Variants in EPB42 observed in about 807,000 individuals in gnomAD.
EPB42 encodes erythrocyte membrane protein band 4.2.
In EPB42, 49 loss-of-function variants were observed where a neutral mutation model predicts 76.9. That is an observed-to-expected ratio of 0.64 (90% CI 0.51 to 0.81). The LOEUF (loss-of-function observed/expected upper bound fraction) is 0.81, where lower values mean the gene tolerates loss of function less well. EPB42 is among the 30% of genes least tolerant of loss of function. The probability of loss-of-function intolerance (pLI) is 0.00; values close to 1 mark genes in which losing one functional copy is unlikely to be tolerated. For synonymous variants in EPB42, 310 were observed against 338.4 expected, an observed-to-expected ratio of 0.92 and a Z score of 0.92; for missense variants, 731 against 867.6, an observed-to-expected ratio of 0.84 and a Z score of 1.98.
intron 1 of EPB42, among the ~76,000 whole-genome samples, chr15:43,217,516 C>T (rs1390198734): frequency 1.3e-5 from 2 of 148,880 alleles, no homozygotes; most frequent in South Asian, 2.2e-4. Context: ...GTTCAGCAAG[C>T]GCAAGATAAG....
At chr15:43,210,011 C>T (rs989898570) in intron 5 of EPB42, among the ~76,000 whole-genome samples, 6 of 152,156 alleles carry the variant, frequency 3.9e-5, no homozygotes, top group African/African-American at 1.4e-4. Flanking sequence ...AGCAGCAAGC[C>T]CTGGGTAAGA....
At chr15:43,200,159 C>A (rs1050892153) in intron 12 of EPB42, among the ~76,000 whole-genome samples, 2 of 152,194 alleles carry the variant, frequency 1.3e-5, no homozygotes, top group Non-Finnish European at 1.5e-5. Flanking sequence ...TGCCTATAAA[C>A]CTTCTTTTGG....
Position 43,211,407 on chromosome 15 carries a change from C to G in EPB42, c.549+9G>C. The G allele has an allele frequency of 1.3e-6, 2 of 1,556,282 alleles. No homozygotes were observed. Among genetic ancestry groups the G allele is most frequent in the Non-Finnish European group, 1.8e-6 (2 of 1,127,324 alleles). ...CTCTACACACTCCTCCCCTAGAGGG[C>G]CCTGGTACCTGGCCAAAGTCCCAGG... is the stretch of plus-strand genomic sequence containing the variant. On this transcript the variant is annotated intron_variant, in intron 4 of 12. Coordinates refer to ENST00000441366, the MANE Select transcript of EPB42 (RefSeq NM_001114134.2).
chr15:43,210,429 TC>T lies in EPB42; in HGVS notation c.559del (p.Asp187MetfsTer10), dbSNP rs764887771. The T allele has an allele frequency of 2.4e-5, 38 of 1,613,186 alleles. No individual in the cohort carries two copies. The highest frequency in any genetic ancestry group is 3.2e-5 in the Non-Finnish European group (38 of 1,179,742). On this transcript the variant is annotated frameshift_variant, in exon 5 of 13. Transcript: ENST00000441366. LOFTEE classifies it high-confidence loss of function. The part of the protein sequence containing the change: ...ESWDFGQFEG[D>X]VIDLSLRLLS... ...CAAGCGCAGGCTGAGGTCAATGACA[TC>T]CCCCTCGAACTGTTAAGGATCACAC...
chr15:43,206,746 A>C lies in EPB42; in HGVS notation c.1319-117T>G. 1 of 1,284,490 alleles carries C rather than the reference A, an allele frequency of 7.8e-7. No individual in the cohort carries two copies. The highest frequency in any genetic ancestry group is 1.1e-6 in the Non-Finnish European group (1 of 912,864). 79.6% of individuals were successfully genotyped at this position (1,284,490 alleles called of 1,614,324 possible). A position where few individuals can be genotyped will look rare whatever the true frequency, so the allele number is the denominator to read the frequency against. On this transcript the variant is annotated intron_variant, in intron 9 of 12. Coordinates refer to ENST00000441366, the MANE Select transcript of EPB42 (RefSeq NM_001114134.2). This position sits in a 1 kb window ranked among gnomAD's most constrained non-coding sequence, Gnocchi z 4.7. Reference sequence around the variant, plus strand: ...CTGCTCAAATGCCAAAGTCACAAGAACTCAGCAAGCCTCTAAGGCCATATT... The same window carrying C: ...CTGCTCAAATGCCAAAGTCACAAGACCTCAGCAAGCCTCTAAGGCCATATT...
rs1289950569 is a variant in EPB42, at chr15:43,197,578, C to G, written c.1914-114G>C. ...AGGTGGACCATGCAGAAATAAACAT[C>G]TAAGTACCTTGCTATTAAAATGGAA... On this transcript the variant is annotated intron_variant, in intron 12 of 12. Coordinates refer to ENST00000441366, the MANE Select transcript of EPB42 (RefSeq NM_001114134.2). 10 of 1,193,108 alleles carry G rather than the reference C, an allele frequency of 8.4e-6. No homozygotes were observed. In the African/African-American group the frequency reaches 1.4e-4, roughly 16 times the overall value. 73.9% of individuals were successfully genotyped at this position (1,193,108 alleles called of 1,614,324 possible). A position where few individuals can be genotyped will look rare whatever the true frequency, so the allele number is the denominator to read the frequency against.
upstream of EPB42, among the ~76,000 whole-genome samples, chr15:43,221,405 T>G (rs184532581): frequency 3.0e-3 from 458 of 152,244 alleles, 2 homozygotes; most frequent in Non-Finnish European, 5.2e-3. Context: ...GATAAGGAAG[T>G]AGAATTTGTT....
Position 43,197,440 on chromosome 15 carries a change from G to A in EPB42, c.1938C>T (p.Asn646=). Residue 646 remains asparagine (N), a synonymous_variant, in exon 13 of 13, where the codon AAC becomes AAT. Transcript: ENST00000441366. The part of the protein sequence containing the change: ...SYRFRSVWPE[N]TMCAKFQFTP... ...TGAACTGGAACTTGGCACACATGGT[G>A]TTTTCAGGCCACACTGAACGGAATC... 1 of 1,614,202 alleles carries A rather than the reference G, an allele frequency of 6.2e-7. No individual in the cohort carries two copies. The highest frequency in any genetic ancestry group is 8.5e-7 in the Non-Finnish European group (1 of 1,180,044).
Position 43,211,469 on chromosome 15 carries a change from T to C in EPB42, c.496A>G (p.Ile166Val), listed in dbSNP as rs754994402. Reference sequence around the variant, plus strand: ...ATGCAGTCAGCTGTACCCAGGTAGATGAGACCATTCTGGTTCAACAAGTAC... The same window carrying C: ...ATGCAGTCAGCTGTACCCAGGTAGACGAGACCATTCTGGTTCAACAAGTAC... ...MEYLLNQNGL[I>V]YLGTADCIQA... Residue 166 changes from isoleucine to valine, a missense_variant, in exon 4 of 13, where the codon ATC becomes GTC. By Grantham distance (29) the Ile-to-Val change is conservative (BLOSUM62 3). Transcript: ENST00000441366. The C allele has an allele frequency of 3.1e-6, 5 of 1,613,630 alleles. No homozygotes were observed. The highest frequency in any genetic ancestry group is 4.5e-5 in the East Asian group (2 of 44,896).
chr15:43,206,695 TG>T lies in EPB42; in HGVS notation c.1319-67del. The T allele has an allele frequency of 6.3e-7, 1 of 1,586,342 alleles. No individual in the cohort carries two copies. The highest frequency in any genetic ancestry group is 1.3e-5 in the African/African-American group (1 of 74,504). ...GGTATAAATGCTTCTAATAAAACCC[TG>T]GGAATCAAAACCATTTACCCACTTC... is the stretch of plus-strand genomic sequence containing the variant. On this transcript the variant is annotated intron_variant, in intron 9 of 12. Transcript: ENST00000441366. The surrounding 1 kb of genome is among the most constrained non-coding windows in gnomAD (Gnocchi z 4.7).
chr15:43,224,611 A>G (rs1351259328), upstream of EPB42, among the ~76,000 whole-genome samples: 1 of 152,238 alleles, frequency 6.6e-6, no homozygotes, highest in Non-Finnish European at 1.5e-5. Flanking sequence ...TATTCAAGGC[A>G]TTGATATTTA....
Position 43,209,267 on chromosome 15 carries a change from G to T in EPB42, c.832+7C>A, listed in dbSNP as rs1567277202. The stretch of plus-strand genomic sequence containing the variant: ...CAGGGCACTCTACAGGAGACAAGGG[G>T]ACCAACCTGTGCAAGCAACAGCAGC... On this transcript the variant is annotated splice_region_variant and intron_variant, in intron 6 of 12. Transcript: ENST00000441366. 1.2e-6 allele frequency: 2 copies of T among 1,613,994 alleles called. No individual in the cohort carries two copies. The highest frequency in any genetic ancestry group is 2.2e-5 in the South Asian group (2 of 91,074).
intron 2 of EPB42, among the ~76,000 whole-genome samples, chr15:43,215,597 T>G (rs985065615): frequency 3.3e-5 from 5 of 149,624 alleles, no homozygotes; most frequent in African/African-American, 1.3e-4. Context: ...ATATTGCATG[T>G]GAAGTACTTG....
intron 1 of EPB42, among the ~76,000 whole-genome samples, chr15:43,217,622 T>A (rs909250618): frequency 6.6e-6 from 1 of 152,224 alleles, no homozygotes; most frequent in South Asian, 2.1e-4. Flanking sequence ...CAGAAGGCCA[T>A]TGGGAATCTC....
At chr15:43,203,908 T>C (rs963904655) in intron 10 of EPB42, among the ~76,000 whole-genome samples, 2 of 152,206 alleles carry the variant, frequency 1.3e-5, no homozygotes, top group Non-Finnish European at 2.9e-5. Flanking sequence ...CTTAACACCA[T>C]TTTGGGCAAA....
chr15:43,211,405 G>T lies in EPB42; in HGVS notation c.549+11C>A. On this transcript the variant is annotated intron_variant, in intron 4 of 12. Coordinates refer to ENST00000441366, the MANE Select transcript of EPB42 (RefSeq NM_001114134.2). ...CACTCTACACACTCCTCCCCTAGAG[G>T]GCCCTGGTACCTGGCCAAAGTCCCA... 4 of 1,532,852 alleles carry T rather than the reference G, an allele frequency of 2.6e-6. No individual in the cohort carries two copies. Among genetic ancestry groups the T allele is most frequent in the Non-Finnish European group, 3.6e-6 (4 of 1,106,044 alleles). The allele number at this position is 1,532,852 out of a possible 1,614,324, so 95.0% of individuals were successfully genotyped here. A position where few individuals can be genotyped will look rare whatever the true frequency, so the allele number is the denominator to read the frequency against.
chr15:43,224,281 C>T (rs1225105685), upstream of EPB42, among the ~76,000 whole-genome samples: 2 of 152,198 alleles, frequency 1.3e-5, no homozygotes, highest in African/African-American at 4.8e-5. Context: ...TATGACCCCA[C>T]TTCACCTTTA....
upstream of EPB42, among the ~76,000 whole-genome samples, chr15:43,222,155 C>A (rs1228538496): frequency 2.0e-5 from 3 of 151,530 alleles, no homozygotes; most frequent in African/African-American, 4.8e-5. Context: ...AAAAAAAAAT[C>A]CTTCATAAGA....
Position 43,215,239 on chromosome 15 carries a change from C to T in EPB42, c.286G>A (p.Glu96Lys). The change falls in exon 3 of 13, where the codon GAG (glutamate) becomes AAG (lysine). Residue 96 changes from glutamate (E) to lysine (K), a missense_variant. Transcript: ENST00000441366. ...DRKWWSAVVE[E>K]RDAQSWTISV... ...ATGGTCCAGGACTGGGCATCTCTCT[C>T]CTCCACCACTGCACTCCACCACTTT... 3 of 1,614,200 alleles carry T rather than the reference C, an allele frequency of 1.9e-6. No individual in the cohort carries two copies. Among genetic ancestry groups the T allele is most frequent in the Non-Finnish European group, 2.5e-6 (3 of 1,180,028 alleles).
Sources: allele counts gnomAD v4.1 joint callset (sites outside exome capture counted in the v4.1 genomes callset), GRCh38; gene constraint gnomAD v4.1.1; non-coding constraint Gnocchi (gnomAD v3.1); transcripts MANE v1.5; gene names NCBI Gene and HGNC (gene_info 2026-07-23, HGNC 2026-07-21).